The following PRKN variants were observed in gnomAD, a reference collection of about 807,000 sequenced individuals.
PRKN encodes E3 ubiquitin-protein ligase parkin.
A neutral mutation model predicts 59.5 loss-of-function variants in PRKN; 56 were observed. The observed-to-expected ratio is 0.94, with a 90% CI of 0.76 to 1.18. The LOEUF is 1.18. PRKN is among the 50% of genes most tolerant of loss of function. The pLI, the probability that PRKN is intolerant of heterozygous loss-of-function variation, is 0.00. For synonymous variants in PRKN, 250 were observed against 222.1 expected, an observed-to-expected ratio of 1.13 and a Z score of -1.12; for missense variants, 657 against 596.4, an observed-to-expected ratio of 1.10 and a Z score of -1.06.
intron 5 of PRKN, among the ~76,000 whole-genome samples, chr6:161,981,627 C>T (rs149026278): frequency 1.2e-4 from 19 of 152,310 alleles, no homozygotes; most frequent in African/African-American, 4.6e-4. Context: ...ATGGCAAAGC[C>T]TGTTTATCTT....
intron 6 of PRKN, among the ~76,000 whole-genome samples, chr6:161,914,474 T>C (rs554495422): frequency 1.3e-5 from 2 of 152,178 alleles, no homozygotes; most frequent in South Asian, 2.1e-4. Flanking sequence ...TTGGTATGAA[T>C]AGGGAATAAA....
Position 162,402,332 on chromosome 6 carries a change from T to C in PRKN, c.171+40978A>G, listed in dbSNP as rs565003262. 1.1e-4 allele frequency among the ~76,000 whole-genome samples: 17 copies of C among 152,034 alleles called. No individual in the cohort carries two copies. The East Asian group carries it at 3.1e-3, about 28-fold the overall frequency. On this transcript the variant is annotated intron_variant, in intron 2 of 11. Transcript: ENST00000366898. Reference sequence around the variant, plus strand: ...AGCGTTTGCCAACCATGCTCAGGCATGGAGAGTTAAGGAAATTAATAGCCA... The same window carrying C: ...AGCGTTTGCCAACCATGCTCAGGCACGGAGAGTTAAGGAAATTAATAGCCA...
At chr6:162,054,353 C>A (rs1562485935) in intron 4 of PRKN, among the ~76,000 whole-genome samples, 179 bp from the exon 5 acceptor site, 4 of 152,176 alleles carry the variant, frequency 2.6e-5, no homozygotes, top group Admixed American at 2.0e-4. Context: ...TGTGCTAGGT[C>A]AAAACTATGT....
At chr6:162,023,976 G>A (rs1783315590) in intron 5 of PRKN, among the ~76,000 whole-genome samples, 1 of 151,694 alleles carries the variant, frequency 6.6e-6, no homozygotes, top group Non-Finnish European at 1.5e-5. Flanking sequence ...TGGCTATTTG[G>A]ACTCTTTTTT....
chr6:161,853,634 G>A (rs919973676), intron 6 of PRKN, among the ~76,000 whole-genome samples: 3 of 152,130 alleles, frequency 2.0e-5, no homozygotes, highest in African/African-American at 2.4e-5. Flanking sequence ...AAATTACTTC[G>A]ACTTTTTCTC....
chr6:162,590,527 C>T (rs1243848668), intron 1 of PRKN, among the ~76,000 whole-genome samples: 1 of 152,150 alleles, frequency 6.6e-6, no homozygotes, highest in Non-Finnish European at 1.5e-5. Context: ...ATCCATTGAT[C>T]TTGCGGCTTT....
chr6:162,176,404 T>C (rs1323894677), intron 4 of PRKN, among the ~76,000 whole-genome samples: 1 of 152,168 alleles, frequency 6.6e-6, no homozygotes, highest in Non-Finnish European at 1.5e-5. Flanking sequence ...TACCAAATAA[T>C]AGAGGACCCA....
intron 1 of PRKN, among the ~76,000 whole-genome samples, chr6:162,660,616 A>G (rs1015611689): frequency 4.6e-5 from 7 of 152,062 alleles, no homozygotes; most frequent in Admixed American, 3.3e-4. Flanking sequence ...TTATTTATCT[A>G]CTTGTTTGTC....
At chr6:162,039,029 G>A (rs373191294) in intron 5 of PRKN, among the ~76,000 whole-genome samples, 4 of 152,014 alleles carry the variant, frequency 2.6e-5, no homozygotes, top group African/African-American at 9.7e-5. Context: ...GGTGGCGGAC[G>A]CCTGTAGTCC....
chr6:162,014,686 T>G, intron 5 of PRKN, among the ~76,000 whole-genome samples: 1 of 152,144 alleles, frequency 6.6e-6, no homozygotes, highest in East Asian at 1.9e-4. Context: ...AAGGGCTTGT[T>G]GCTTTAAATG....
At chr6:161,851,829 G>A (rs1793446521) in intron 6 of PRKN, among the ~76,000 whole-genome samples, 2 of 151,476 alleles carry the variant, frequency 1.3e-5, no homozygotes, top group African/African-American at 4.8e-5. Context: ...GCTCACGCCT[G>A]TAATCCCAGC....
At chr6:162,573,973 G>A (rs555085717) in intron 1 of PRKN, among the ~76,000 whole-genome samples, 1 of 152,314 alleles carries the variant, frequency 6.6e-6, no homozygotes, top group East Asian at 1.9e-4. Context: ...TTTTGGTGGG[G>A]AAGGAAAGAG....
chr6:161,702,761 A>G (rs928315653), intron 7 of PRKN, among the ~76,000 whole-genome samples: 1 of 152,226 alleles, frequency 6.6e-6, no homozygotes, highest in African/African-American at 2.4e-5. Context: ...AAAATGTAAA[A>G]CATGTAAAAG....
chr6:161,696,926 G>C (rs893742891), intron 7 of PRKN, among the ~76,000 whole-genome samples: 2 of 152,140 alleles, frequency 1.3e-5, no homozygotes, highest in African/African-American at 4.8e-5. Context: ...AGAAACTAAA[G>C]AGAACATGTA....
chr6:162,262,537 C>CTGG lies in PRKN; in HGVS notation c.397_399dup (p.Pro133dup), dbSNP rs747624684. 54 of 1,613,940 alleles carry CTGG rather than the reference C, an allele frequency of 3.3e-5. No homozygotes were observed. Among genetic ancestry groups the CTGG allele is most frequent in the Non-Finnish European group, 4.2e-5 (50 of 1,180,012 alleles). ...GCATTCCAATTACCTGGACTTCCAG[C>CTGG]TGGTGGTGAGTCCTTCCTGCTGTCA... On this transcript the variant is annotated inframe_insertion, in exon 3 of 12. Coordinates refer to ENST00000366898, the MANE Select transcript of PRKN (RefSeq NM_004562.3).
At chr6:161,450,190 G>T (rs1350590417) in intron 9 of PRKN, among the ~76,000 whole-genome samples, 1 of 152,228 alleles carries the variant, frequency 6.6e-6, no homozygotes, top group East Asian at 1.9e-4. Flanking sequence ...GGGGGAAGGT[G>T]TATGGCCAAA....
intron 6 of PRKN, among the ~76,000 whole-genome samples, chr6:161,913,001 A>C (rs544902621): frequency 6.6e-6 from 1 of 152,050 alleles, no homozygotes; most frequent in African/African-American, 2.4e-5. Context: ...ACATGGTGAA[A>C]CCCCATCTCT....
chr6:161,709,771 T>G (rs1562623951), intron 7 of PRKN, among the ~76,000 whole-genome samples: 2 of 152,182 alleles, frequency 1.3e-5, no homozygotes, highest in Non-Finnish European at 2.9e-5. Context: ...TATTAAGCTT[T>G]AAGCATTATA....
At chr6:161,702,654 C>T (rs1472637073) in intron 7 of PRKN, among the ~76,000 whole-genome samples, 2 of 152,068 alleles carry the variant, frequency 1.3e-5, no homozygotes, top group Non-Finnish European at 2.9e-5. Context: ...TGAATTTACT[C>T]AGTGCCACTG....
Sources: gnomAD v4.1 joint callset for allele counts (sites outside exome capture counted in the v4.1 genomes callset) on GRCh38, gnomAD v4.1.1 for gene constraint, MANE v1.5 for transcripts, NCBI Gene and HGNC (gene_info 2026-07-23, HGNC 2026-07-21) for gene names.